GALNT17: variants seen among roughly 807,000 people sequenced by gnomAD.
GALNT17 encodes the protein polypeptide N-acetylgalactosaminyltransferase 17, also known as UDP-GalNAc:polypeptide N-acetylgalactosaminyltransferase-like 3.
Under a neutral mutation model 63.7 loss-of-function variants are expected in GALNT17, and 29 were observed. The ratio of observed to expected loss-of-function variants is 0.46; its 90% CI spans 0.34 to 0.62. The LOEUF (loss-of-function observed/expected upper bound fraction) is 0.62. Among genes scored for constraint, GALNT17 ranks in the 20% least tolerant of loss-of-function variants. The probability of loss-of-function intolerance (pLI) is 0.01; values close to 1 mark genes in which losing one functional copy is unlikely to be tolerated. For missense variants in GALNT17, 603 were observed against 799.6 expected, an observed-to-expected ratio of 0.75 and a Z score of 2.97; for synonymous variants, 305 against 318.3, an observed-to-expected ratio of 0.96 and a Z score of 0.45.
At chr7:71,139,140 A>T (rs1787839904) in intron 1 of GALNT17, among the ~76,000 whole-genome samples, 1 of 152,206 alleles carries the variant, frequency 6.6e-6, no homozygotes, top group Admixed American at 6.5e-5. Context: ...AAACAGAGAT[A>T]CTATGTGACT....
chr7:71,616,710 T>TGTG (rs1554316036), intron 6 of GALNT17, among the ~76,000 whole-genome samples: 5 of 139,462 alleles, frequency 3.6e-5, no homozygotes, highest in African/African-American at 1.3e-4. Flanking sequence ...TTGTGATTGA[T>TGTG]GTATATAATA....
At chr7:71,455,878 T>A (rs1027294037) in intron 5 of GALNT17, among the ~76,000 whole-genome samples, 1 of 152,198 alleles carries the variant, frequency 6.6e-6, no homozygotes, top group African/African-American at 2.4e-5. Context: ...TTTGACCTAA[T>A]GAAAGGCAGG....
At chr7:71,324,657 C>T (rs1343398954) in intron 1 of GALNT17, among the ~76,000 whole-genome samples, 2 of 150,932 alleles carry the variant, frequency 1.3e-5, no homozygotes, top group Non-Finnish European at 3.0e-5. Flanking sequence ...GACCTTGTCT[C>T]AAAAAAAGGA....
chr7:71,521,920 G>A (rs916209790), intron 5 of GALNT17, among the ~76,000 whole-genome samples: 4 of 152,168 alleles, frequency 2.6e-5, no homozygotes, highest in African/African-American at 9.7e-5. Flanking sequence ...GTTCTAGAAG[G>A]AGTCACAGAA....
chr7:71,247,294 C>A (rs1790115984), intron 1 of GALNT17, among the ~76,000 whole-genome samples: 2 of 152,066 alleles, frequency 1.3e-5, no homozygotes, highest in Non-Finnish European at 2.9e-5. Flanking sequence ...AAAATACTAA[C>A]CTCGTTATAG....
chr7:71,322,868 C>A (rs957083638), intron 1 of GALNT17, among the ~76,000 whole-genome samples: 3 of 152,082 alleles, frequency 2.0e-5, no homozygotes, highest in Non-Finnish European at 2.9e-5. Context: ...TTACCTTAAT[C>A]TTGGACTTCC....
chr7:71,150,504 C>T (rs1385038399), intron 1 of GALNT17, among the ~76,000 whole-genome samples: 3 of 150,666 alleles, frequency 2.0e-5, no homozygotes, highest in East Asian at 2.0e-4. Context: ...TCTTTTTTTT[C>T]GTTTTCTTTT....
intron 6 of GALNT17, among the ~76,000 whole-genome samples, chr7:71,658,476 A>G (rs1790861343): frequency 6.6e-6 from 1 of 152,140 alleles, no homozygotes; most frequent in African/African-American, 2.4e-5. Flanking sequence ...TGGGTAGTTT[A>G]GGGCAGGCTT....
At chr7:71,393,769 T>C (rs1203573126) in intron 3 of GALNT17, among the ~76,000 whole-genome samples, 1 of 152,220 alleles carries the variant, frequency 6.6e-6, no homozygotes, top group Non-Finnish European at 1.5e-5. Flanking sequence ...AGTTTGAATA[T>C]TGACATTGGC....
intron 5 of GALNT17, among the ~76,000 whole-genome samples, chr7:71,488,870 C>G (rs1787957886): frequency 1.4e-5 from 2 of 147,168 alleles, no homozygotes; most frequent in Admixed American, 6.9e-5. Flanking sequence ...GCATGAGCCA[C>G]CGCGCCCAGC....
At chr7:71,184,930 C>G (rs1788807584) in intron 1 of GALNT17, among the ~76,000 whole-genome samples, 1 of 125,690 alleles carries the variant, frequency 8.0e-6, no homozygotes, top group African/African-American at 3.4e-5. Context: ...CTCCCTCCCT[C>G]CCTTCCTCAC....
chr7:71,525,736 C>CTTTTTTTTTTTTT (rs71089950), intron 5 of GALNT17, among the ~76,000 whole-genome samples: 1 of 75,062 alleles, frequency 1.3e-5, no homozygotes, highest in Non-Finnish European at 2.5e-5. Flanking sequence ...TATGTCTTTT[C>CTTTTTTTTTTTTT]TTTTTTTTTT....
In GALNT17 at chr7:71,165,155, C is replaced by G. The variant is rs1159256922; in HGVS notation, c.238+32115C>G. Among the ~76,000 whole-genome samples, 3 of 152,062 alleles carry G rather than the reference C, an allele frequency of 2.0e-5. No homozygotes were observed. The East Asian group carries it at 5.8e-4, about 29-fold the overall frequency. On this transcript the variant is annotated intron_variant, in intron 1 of 10. Transcript: ENST00000333538. ...TGCTTCGCATTGGTGGACCATAGCT[C>G]AAAATAACAGAAAGCCTAACAGAAA...
chr7:71,388,494 T>A, intron 3 of GALNT17, 93 bp downstream of exon 3: 1 of 1,446,580 alleles, frequency 6.9e-7, no homozygotes, highest in Non-Finnish European at 9.4e-7. Context: ...CTGTGTCTCC[T>A]GGTCCCTGGA....
chr7:71,209,001 C>A (rs922150718), intron 1 of GALNT17, among the ~76,000 whole-genome samples: 7 of 152,164 alleles, frequency 4.6e-5, no homozygotes, highest in Non-Finnish European at 8.8e-5. Context: ...GCTCTGTGGG[C>A]CATATGGTCT....
At chr7:71,367,907 G>A (rs1792545000) in intron 2 of GALNT17, among the ~76,000 whole-genome samples, 1 of 152,182 alleles carries the variant, frequency 6.6e-6, no homozygotes, top group Non-Finnish European at 1.5e-5. Context: ...GAGGGGACTT[G>A]TGATGGAGCC....
intron 3 of GALNT17, among the ~76,000 whole-genome samples, chr7:71,402,464 G>T (rs1793257552): frequency 6.6e-6 from 1 of 152,186 alleles, no homozygotes; most frequent in Non-Finnish European, 1.5e-5. Flanking sequence ...TTCTGGAATT[G>T]TTCTGGAAGC....
chr7:71,503,444 C>A (rs1010376860), intron 5 of GALNT17, among the ~76,000 whole-genome samples: 1 of 152,090 alleles, frequency 6.6e-6, no homozygotes, highest in African/African-American at 2.4e-5. Context: ...GACATGTTGA[C>A]CAGGCTGGTC....
chr7:71,613,273 G>A (rs914434640), intron 6 of GALNT17, among the ~76,000 whole-genome samples: 2 of 152,112 alleles, frequency 1.3e-5, no homozygotes, highest in South Asian at 2.1e-4. Context: ...AAAGCAAAAG[G>A]TAGATGATTT....
Sources: gnomAD v4.1 joint callset for allele counts (sites outside exome capture counted in the v4.1 genomes callset) on GRCh38, gnomAD v4.1.1 for gene constraint, MANE v1.5 for transcripts, NCBI Gene and HGNC (gene_info 2026-07-23, HGNC 2026-07-21) for gene names.